SATB2: variants seen among roughly 807,000 people sequenced by gnomAD.
SATB2 encodes the protein DNA-binding protein SATB2.
In SATB2, 1 loss-of-function variant was observed where a neutral mutation model predicts 73.4. The observed-to-expected ratio is 0.01, with a 90% CI of 0.00 to 0.06. The LOEUF is 0.06. Ranked by LOEUF, SATB2 falls within the 10% of genes least tolerant of loss-of-function variation. The probability of loss-of-function intolerance (pLI) is 1.00; values close to 1 mark genes in which losing one functional copy is unlikely to be tolerated. For missense variants in SATB2, 459 were observed against 945.8 expected, an observed-to-expected ratio of 0.49 and a Z score of 6.75; for synonymous variants, 397 against 367.0, an observed-to-expected ratio of 1.08 and a Z score of -0.93.
chr2:199,444,293 T>C (rs1691903777), intron 2 of SATB2, among the ~76,000 whole-genome samples: 2 of 152,192 alleles, frequency 1.3e-5, no homozygotes, highest in South Asian at 4.1e-4. Context: ...CACTTTTTAC[T>C]GCCTTTGAGA....
intron 3 of SATB2, among the ~76,000 whole-genome samples, chr2:199,426,437 C>T (rs542375091): frequency 8.6e-5 from 13 of 151,828 alleles, no homozygotes; most frequent in Admixed American, 6.6e-4. Flanking sequence ...TACAGGTGTG[C>T]GCCACTGTGC....
intron 3 of SATB2, among the ~76,000 whole-genome samples, chr2:199,412,658 T>C (rs1208771234): frequency 1.3e-5 from 2 of 152,036 alleles, no homozygotes; most frequent in Non-Finnish European, 1.5e-5. Flanking sequence ...TCCCTCCATA[T>C]TAAAACAATG....
At chr2:199,289,152 G>T (rs1692774231) in intron 10 of SATB2, among the ~76,000 whole-genome samples, 1 of 152,148 alleles carries the variant, frequency 6.6e-6, no homozygotes, top group South Asian at 2.1e-4. Flanking sequence ...AATTCATTAT[G>T]GGAATATTGG....
intron 2 of SATB2, among the ~76,000 whole-genome samples, chr2:199,434,933 GATA>G (rs1440415434): frequency 6.6e-6 from 1 of 152,054 alleles, no homozygotes; most frequent in Non-Finnish European, 1.5e-5. Flanking sequence ...TATTATTAAA[GATA>G]ATAAGTATTG....
chr2:199,276,588 C>T (rs1389674638), intron 10 of SATB2, among the ~76,000 whole-genome samples: 1 of 152,152 alleles, frequency 6.6e-6, no homozygotes, highest in Non-Finnish European at 1.5e-5. Flanking sequence ...TTCACAATTA[C>T]TCCAACTAAG....
In SATB2 at chr2:199,377,181, C is replaced by T. The variant is rs981931817; in HGVS notation, c.597+3183G>A. ...CATGAGGTCAGAAGATCGAGACCATCCTGGCTAACATGGTGAAATCACGTC... is the reference window on the plus strand; with the variant it reads ...CATGAGGTCAGAAGATCGAGACCATTCTGGCTAACATGGTGAAATCACGTC... On this transcript the variant is annotated intron_variant, in intron 5 of 10. Transcript: ENST00000417098. Among the ~76,000 whole-genome samples the T allele has an allele frequency of 3.3e-5, 5 of 152,102 alleles. No homozygotes were observed. The East Asian group carries it at 9.6e-4, about 29-fold the overall frequency.
At chr2:199,321,238 T>C (rs1261645549) in intron 9 of SATB2, among the ~76,000 whole-genome samples, 2 of 151,940 alleles carry the variant, frequency 1.3e-5, no homozygotes, top group Non-Finnish European at 2.9e-5. Context: ...CTATAAGGTG[T>C]ATATATATGA....
chr2:199,280,901 C>A (rs1402754632), intron 10 of SATB2, among the ~76,000 whole-genome samples: 1 of 152,080 alleles, frequency 6.6e-6, no homozygotes, highest in African/African-American at 2.4e-5. Flanking sequence ...TGACACACAC[C>A]CTATTCGTAC....
chr2:199,408,032 T>G (rs1222111280), intron 3 of SATB2, among the ~76,000 whole-genome samples: 1 of 152,162 alleles, frequency 6.6e-6, no homozygotes, highest in Non-Finnish European at 1.5e-5. Context: ...GAGAAAGCCT[T>G]TCATGATAAC....
intron 8 of SATB2, chr2:199,325,999 T>C (rs1282741756): frequency 6.6e-6 from 1 of 152,194 alleles, no homozygotes; most frequent in Non-Finnish European, 1.5e-5. Context: ...TTTCAGCTAC[T>C]AATAAAGTAT....
chr2:199,385,122 TA>T (rs1391477199), intron 3 of SATB2, among the ~76,000 whole-genome samples: 1 of 152,064 alleles, frequency 6.6e-6, no homozygotes, highest in African/African-American at 2.4e-5. Context: ...AGATCTCCCC[TA>T]CTTTTTTGTT....
Position 199,455,764 on chromosome 2 carries a change from T to C in SATB2, c.169+105A>G. ...ATTATTTGGCAACCTGGAATTCACT[T>C]CCTGTAATCCTACACCGCGACAGCG... On this transcript the variant is annotated intron_variant, in intron 2 of 10. Transcript: ENST00000417098. The surrounding 1 kb of genome is among the most constrained non-coding windows in gnomAD (Gnocchi z 4.1). 1 of 1,301,988 alleles carries C rather than the reference T, an allele frequency of 7.7e-7. No individual in the cohort carries two copies. The highest frequency in any genetic ancestry group is 1.1e-6 in the Non-Finnish European group (1 of 940,314). 80.7% of individuals were successfully genotyped at this position (1,301,988 alleles called of 1,614,324 possible).
chr2:199,448,987 A>C (rs917724846), intron 2 of SATB2, among the ~76,000 whole-genome samples: 1 of 152,180 alleles, frequency 6.6e-6, no homozygotes. Context: ...ATGTGTCATA[A>C]TCATTAATAA....
upstream of SATB2, among the ~76,000 whole-genome samples, chr2:199,466,880 C>T (rs1692603218): frequency 6.6e-6 from 1 of 152,214 alleles, no homozygotes; most frequent in South Asian, 2.1e-4. Context: ...GTGCCATCTC[C>T]CCAAGCTCTA....
intron 7 of SATB2, among the ~76,000 whole-genome samples, chr2:199,332,138 T>A (rs565204575): frequency 6.6e-6 from 1 of 152,286 alleles, no homozygotes; most frequent in South Asian, 2.1e-4. Context: ...TAAACTTTCA[T>A]ATCAGTAATC....
intron 3 of SATB2, among the ~76,000 whole-genome samples, chr2:199,417,034 TCTCACA>T (rs1313815847): frequency 1.4e-5 from 1 of 70,926 alleles, no homozygotes; most frequent in Non-Finnish European, 3.0e-5. Context: ...AGACTCCGTC[TCTCACA>T]CACACACACA....
At chr2:199,381,422 G>A (rs1574568115) in intron 4 of SATB2, among the ~76,000 whole-genome samples, 1 of 152,210 alleles carries the variant, frequency 6.6e-6, no homozygotes, top group East Asian at 1.9e-4. Context: ...TACTCCTAAG[G>A]GCTATAGATT....
intron 7 of SATB2, among the ~76,000 whole-genome samples, chr2:199,338,438 C>A (rs941595333): frequency 2.6e-5 from 4 of 151,822 alleles, no homozygotes; most frequent in African/African-American, 9.7e-5. Flanking sequence ...AGGTAAAAGT[C>A]CTCATTGAGG....
intron 7 of SATB2, among the ~76,000 whole-genome samples, chr2:199,332,398 A>G (rs143641062): frequency 7.4e-4 from 113 of 152,262 alleles, no homozygotes; most frequent in African/African-American, 2.6e-3. Context: ...CCTTTTCCAT[A>G]GCCTAATTAA....
Sources: allele counts gnomAD v4.1 joint callset (sites outside exome capture counted in the v4.1 genomes callset), GRCh38; gene constraint gnomAD v4.1.1; non-coding constraint Gnocchi (gnomAD v3.1); transcripts MANE v1.5; gene names NCBI Gene and HGNC (gene_info 2026-07-23, HGNC 2026-07-21).